FN1: variants seen among roughly 807,000 people sequenced by gnomAD.
The protein encoded by FN1 is fibronectin.
A neutral mutation model predicts 297.3 loss-of-function variants in FN1; 106 were observed. That is an observed-to-expected ratio of 0.36 (90% CI 0.30 to 0.42). The LOEUF (loss-of-function observed/expected upper bound fraction) is 0.42. Ranked by LOEUF, FN1 falls within the 10% of genes least tolerant of loss-of-function variation. The probability of loss-of-function intolerance (pLI) is 1.00; values close to 1 mark genes in which losing one functional copy is unlikely to be tolerated. For missense variants in FN1, 2,690 were observed against 3,124.9 expected (o/e 0.86, Z 3.32); for synonymous variants, 1,149 against 1,152.6 (o/e 1.00, Z 0.06).
At chr2:215,367,231 T>C (rs2054816919) in intron 42 of FN1, among the ~76,000 whole-genome samples, 1 of 152,194 alleles carries the variant, frequency 6.6e-6, no homozygotes, top group African/African-American at 2.4e-5. Context: ...ATAATAGATA[T>C]TTCCTAGGCA....
intron 2 of FN1, 52 bp from the exon 3 acceptor site, chr2:215,433,513 T>C: frequency 1.9e-6 from 3 of 1,572,070 alleles, no homozygotes; most frequent in Non-Finnish European, 2.6e-6. Flanking sequence ...CAAGCTTTTC[T>C]AGTTCACTAA....
At chr2:215,373,485 GA>G in intron 38 of FN1, 74 bp from the exon 39 acceptor site, 6 of 1,219,756 alleles carry the variant, frequency 4.9e-6, no homozygotes, top group African/African-American at 1.5e-5. Flanking sequence ...CTCACCAGCA[GA>G]CGCTACTGGG....
At chr2:215,387,357 G>C (rs1186373597) in intron 27 of FN1, among the ~76,000 whole-genome samples, 2 of 139,606 alleles carry the variant, frequency 1.4e-5, no homozygotes, top group African/African-American at 5.1e-5. Context: ...TCCAAGTAAA[G>C]CAAGATCTGC....
At position 215,407,334 on chromosome 2, in the gene FN1, G is replaced by A. The variant is rs377043717; in HGVS notation, c.2519-13C>T. 1.6e-5 allele frequency: 25 copies of A among 1,610,272 alleles called. No homozygotes were observed. Among genetic ancestry groups the A allele is most frequent in the Non-Finnish European group, 1.9e-5 (22 of 1,176,650 alleles). ...ACTATTCTGTACCCTGCAGATTCAT[G>A]AGCAAAAGTAAGATGCACTGTTTTC... On this transcript the variant is annotated splice_polypyrimidine_tract_variant and intron_variant, in intron 17 of 45. Coordinates refer to ENST00000354785, the MANE Select transcript of FN1 (RefSeq NM_212482.4).
intron 21 of FN1, among the ~76,000 whole-genome samples, chr2:215,398,738 T>G (rs1465210885): frequency 6.6e-6 from 1 of 152,222 alleles, no homozygotes; most frequent in Non-Finnish European, 1.5e-5. Flanking sequence ...TATCATTACT[T>G]TAAAGAAGAT....
chr2:215,374,662 A>C lies in FN1; in HGVS notation c.6157+552T>G, dbSNP rs369031360. ...GCAGTATGAAAACAGACTAATACAGATAGTTTAAATATTTCATCTCTTGGG... is the reference window on the plus strand; with the variant it reads ...GCAGTATGAAAACAGACTAATACAGCTAGTTTAAATATTTCATCTCTTGGG... On this transcript the variant is annotated intron_variant, in intron 38 of 45. Coordinates refer to ENST00000354785, the MANE Select transcript of FN1 (RefSeq NM_212482.4). Among the ~76,000 whole-genome samples, 3 of 152,314 alleles carry C rather than the reference A, an allele frequency of 2.0e-5. No homozygotes were observed. The South Asian group carries it at 6.2e-4, about 32-fold the overall frequency.
chr2:215,415,011 T>C, intron 12 of FN1, 53 bp from the exon 13 acceptor site: 2 of 1,424,950 alleles, frequency 1.4e-6, no homozygotes, highest in Non-Finnish European at 2.0e-6. Context: ...TCACTTCAAC[T>C]TAAAACTGTG....
rs1385000305 is a variant in FN1 at position 215,397,150 on chromosome 2, C to T, written c.3591G>A (p.Arg1197=). 3 of 1,613,048 alleles carry T rather than the reference C, an allele frequency of 1.9e-6. No homozygotes were observed. Among genetic ancestry groups the T allele is most frequent in the South Asian group, 1.1e-5 (1 of 91,068 alleles). The stretch of plus-strand genomic sequence containing the variant: ...TCCCAAACTTACCTGGGGTGGTGCT[C>T]CTCTCCCAGGAGACTGTGAGCACTC... ...DTGVLTVSWE[R]STTPDITGYR... is the part of the protein sequence containing the mutation. Residue 1197 remains arginine, a synonymous_variant, in exon 23 of 46, where the codon AGG becomes AGA. Coordinates refer to ENST00000354785, the MANE Select transcript of FN1 (RefSeq NM_212482.4).
At chr2:215,399,003 A>T (rs2060649247) in intron 21 of FN1, among the ~76,000 whole-genome samples, 1 of 152,254 alleles carries the variant, frequency 6.6e-6, no homozygotes, top group Admixed American at 6.5e-5. Context: ...ATAAGATAAC[A>T]ATAAGCAGCA....
chr2:215,424,477 A>C, intron 7 of FN1, 152 bp from the exon 8 acceptor site: 2 of 666,680 alleles, frequency 3.0e-6, no homozygotes, highest in Non-Finnish European at 5.2e-6. Flanking sequence ...TTCAGTCAAA[A>C]TGCATTACTC....
Position 215,382,198 on chromosome 2 carries a change from C to A in FN1, c.5164+14G>T, listed in dbSNP as rs186800160. Reference sequence around the variant, plus strand: ...TTTGACTTTGAAAATGGAAACCAAGCAGTGGTTACGTACTGGTTACTGCAG... The same window carrying A: ...TTTGACTTTGAAAATGGAAACCAAGAAGTGGTTACGTACTGGTTACTGCAG... On this transcript the variant is annotated intron_variant, in intron 32 of 45. Transcript: ENST00000354785. 115 of 1,563,254 alleles carry A rather than the reference C, an allele frequency of 7.4e-5. No individual in the cohort carries two copies. In the African/African-American group the frequency reaches 1.4e-3, roughly 19 times the overall value.
intron 37 of FN1, 32 bp downstream of exon 37, chr2:215,375,597 A>C (rs757752982): frequency 6.8e-7 from 1 of 1,474,186 alleles, no homozygotes; most frequent in South Asian, 1.1e-5. Context: ...CATACAAGTC[A>C]ATGGCATTTC....
At chr2:215,392,636 G>C in intron 25 of FN1, 1 of 417,006 alleles carries the variant, frequency 2.4e-6, no homozygotes, top group Non-Finnish European at 4.5e-6. Context: ...AAAAATTCTA[G>C]GTCTTCAAAT....
intron 26 of FN1, among the ~76,000 whole-genome samples, chr2:215,390,199 T>C (rs2059559259): frequency 6.6e-6 from 1 of 152,164 alleles, no homozygotes; most frequent in Non-Finnish European, 1.5e-5. Context: ...TGTTTATTTT[T>C]TTGAGACAGG....
intron 23 of FN1, among the ~76,000 whole-genome samples, chr2:215,395,356 G>A (rs952028172): frequency 1.3e-5 from 2 of 151,992 alleles, no homozygotes; most frequent in African/African-American, 4.8e-5. Flanking sequence ...TGGCCAACAC[G>A]GTAAAACCCT....
intron 19 of FN1, among the ~76,000 whole-genome samples, chr2:215,405,676 G>A (rs2061688230): frequency 6.6e-6 from 1 of 152,188 alleles, no homozygotes; most frequent in South Asian, 2.1e-4. Flanking sequence ...CCAGGTGGTA[G>A]AGGTTCCAGT....
chr2:215,405,264 C>T (rs562429991), intron 19 of FN1, among the ~76,000 whole-genome samples: 67 of 152,246 alleles, frequency 4.4e-4, no homozygotes, highest in Admixed American at 4.4e-3. Context: ...GCAGTTTTCC[C>T]ACCGAAATTT....
Position 215,361,447 on chromosome 2 carries a change from G to C in FN1, c.*108C>G. ...GCTGGAGAACTTCCTCCAGAGCAAA[G>C]GGCTTAAGAAAGAAAGAAGAACTCT... On this transcript the variant is annotated 3_prime_UTR_variant, in exon 46 of 46. Coordinates refer to ENST00000354785, the MANE Select transcript of FN1 (RefSeq NM_212482.4). 2 of 852,762 alleles carry C rather than the reference G, an allele frequency of 2.3e-6. No individual in the cohort carries two copies. The highest frequency in any genetic ancestry group is 2.7e-5 in the South Asian group (2 of 75,376). 52.8% of individuals were successfully genotyped at this position (852,762 alleles called of 1,614,324 possible).
intron 2 of FN1, 79 bp from the exon 3 acceptor site, chr2:215,433,540 AC>A: frequency 7.1e-7 from 1 of 1,417,710 alleles, no homozygotes; most frequent in Non-Finnish European, 9.8e-7. Context: ...CTAAAGGAAA[AC>A]CCACTTCTCT....
Sources: allele counts gnomAD v4.1 joint callset (sites outside exome capture counted in the v4.1 genomes callset), GRCh38; gene constraint gnomAD v4.1.1; transcripts MANE v1.5; gene names NCBI Gene and HGNC (gene_info 2026-07-23, HGNC 2026-07-21).